The following TDRD7 variants were observed in gnomAD, a reference collection of about 807,000 sequenced individuals.
The protein encoded by TDRD7 is tudor domain-containing protein 7.
TDRD7 carries 47 observed loss-of-function variants against 109.8 expected under a neutral mutation model. The ratio of observed to expected loss-of-function variants is 0.43; its 90% CI spans 0.34 to 0.55. The LOEUF is 0.55. Ranked by LOEUF, TDRD7 falls within the 20% of genes least tolerant of loss-of-function variation. The pLI is 0.03. For synonymous variants in TDRD7, 424 were observed against 457.3 expected, an observed-to-expected ratio of 0.93 and a Z score of 0.93; for missense variants, 1,164 against 1,319.2, an observed-to-expected ratio of 0.88 and a Z score of 1.82.
chr9:97,462,183 G>A (rs530244955), intron 7 of TDRD7, among the ~76,000 whole-genome samples: 158 of 152,236 alleles, frequency 1.0e-3, no homozygotes, highest in African/African-American at 3.5e-3. Context: ...AACTTACACG[G>A]CAGGATCCTT....
intron 2 of TDRD7, among the ~76,000 whole-genome samples, chr9:97,429,506 T>TG (rs972561135): frequency 1.3e-5 from 2 of 152,122 alleles, no homozygotes; most frequent in Non-Finnish European, 1.5e-5. Flanking sequence ...TTTTTCTATA[T>TG]GGGGGGATGA....
intron 16 of TDRD7, among the ~76,000 whole-genome samples, chr9:97,489,780 A>T (rs967552191): frequency 6.6e-6 from 1 of 152,120 alleles, no homozygotes; most frequent in African/African-American, 2.4e-5. Flanking sequence ...ATTTTAAGTA[A>T]TGCCACTTTC....
chr9:97,473,565 G>A lies in TDRD7; in HGVS notation c.2018G>A (p.Cys673Tyr), dbSNP rs750870803. ...GGGACACTCTACTGCCAGGTGCCTT[G>A]TAAGGGTCTGAACAAGCTCAGTGAC... Reference protein sequence around the residue: ...SDGTLYCQVPCKGLNKLSDLL... With the variant: ...SDGTLYCQVPYKGLNKLSDLL... The change falls in exon 11 of 17, where the codon TGT becomes TAT. Residue 673 changes from cysteine to tyrosine, a missense_variant. Physicochemically the swap from Cys to Tyr is radical, Grantham distance 194. Coordinates refer to ENST00000355295, the MANE Select transcript of TDRD7 (RefSeq NM_014290.3). 1.2e-6 allele frequency: 2 copies of A among 1,613,858 alleles called. No homozygotes were observed. Among genetic ancestry groups the A allele is most frequent in the East Asian group, 2.2e-5 (1 of 44,868 alleles).
chr9:97,451,461 T>A (rs986456868), intron 6 of TDRD7, among the ~76,000 whole-genome samples: 5 of 152,134 alleles, frequency 3.3e-5, no homozygotes, highest in African/African-American at 4.8e-5. Context: ...AGCTAATTTT[T>A]AAAATTTTTT....
At chr9:97,488,656 C>T (rs1422407221) in intron 16 of TDRD7, among the ~76,000 whole-genome samples, 1 of 150,146 alleles carries the variant, frequency 6.7e-6, no homozygotes, top group African/African-American at 2.4e-5. Flanking sequence ...CCAGAGAAGG[C>T]TTCTCTGTGA....
At chr9:97,474,389 G>A (rs1353526561) in intron 11 of TDRD7, among the ~76,000 whole-genome samples, 1 of 152,040 alleles carries the variant, frequency 6.6e-6, no homozygotes, top group Non-Finnish European at 1.5e-5. Context: ...GGCACCTCAG[G>A]GCATTCATAT....
At chr9:97,474,727 G>A (rs147984301) in intron 11 of TDRD7, among the ~76,000 whole-genome samples, 165 of 152,246 alleles carry the variant, frequency 1.1e-3, no homozygotes, top group African/African-American at 3.9e-3. Context: ...AACCTTTGGT[G>A]GTGAAAAGGA....
intron 6 of TDRD7, among the ~76,000 whole-genome samples, chr9:97,451,441 T>C (rs1828490594): frequency 6.6e-6 from 1 of 152,114 alleles, no homozygotes; most frequent in Admixed American, 6.6e-5. Context: ...AGATGCACAC[T>C]ATCACATCCA....
At chr9:97,465,189 C>T (rs1344746722) in intron 8 of TDRD7, among the ~76,000 whole-genome samples, 161 bp downstream of exon 8, 1 of 152,114 alleles carries the variant, frequency 6.6e-6, no homozygotes, top group Non-Finnish European at 1.5e-5. Context: ...AAGGTTATCC[C>T]TGTCAGCCTT....
At chr9:97,472,165 A>G in intron 9 of TDRD7, 128 bp from the exon 10 acceptor site, 1 of 818,802 alleles carries the variant, frequency 1.2e-6, no homozygotes, top group Non-Finnish European at 2.0e-6. Flanking sequence ...CAAAGCTTTC[A>G]TATAAAATTT....
In TDRD7 at chr9:97,472,579, A is replaced by G. The variant is rs538206000; in HGVS notation, c.1944+84A>G. ...AGAATATTATACATTTTAGGCTAAC[A>G]ATTGATAGAGACAGATTACATTTAC... On this transcript the variant is annotated intron_variant, in intron 10 of 16. Coordinates refer to ENST00000355295, the MANE Select transcript of TDRD7 (RefSeq NM_014290.3). 2.1e-5 allele frequency: 24 copies of G among 1,153,388 alleles called. No homozygotes were observed. The East Asian group carries it at 4.5e-4, about 22-fold the overall frequency. The allele number at this position is 1,153,388 out of a possible 1,614,324, so 71.4% of individuals were successfully genotyped here. A position where few individuals can be genotyped will look rare whatever the true frequency, so the allele number is the denominator to read the frequency against.
chr9:97,436,158 A>G (rs564864292), intron 4 of TDRD7, among the ~76,000 whole-genome samples: 98 of 152,290 alleles, frequency 6.4e-4, no homozygotes, highest in African/African-American at 1.8e-3. Flanking sequence ...GGAAGAGGGT[A>G]TATGTACTAA....
chr9:97,438,905 T>A (rs1247032739), intron 4 of TDRD7, among the ~76,000 whole-genome samples: 3 of 152,202 alleles, frequency 2.0e-5, no homozygotes, highest in Non-Finnish European at 4.4e-5. Context: ...TATTCCAAAA[T>A]GTTCTTTGTT....
At chr9:97,435,974 A>G (rs1828188462) in intron 4 of TDRD7, among the ~76,000 whole-genome samples, 4 of 152,168 alleles carry the variant, frequency 2.6e-5, no homozygotes, top group South Asian at 2.1e-4. Context: ...ACACATGTAC[A>G]TTTACATATG....
chr9:97,437,864 T>C (rs7024030), intron 4 of TDRD7, among the ~76,000 whole-genome samples: 3 of 152,316 alleles, frequency 2.0e-5, no homozygotes, highest in Non-Finnish European at 2.9e-5. Flanking sequence ...GTTATAAAAC[T>C]GCTTAGACCT....
chr9:97,432,304 C>T, intron 4 of TDRD7, 66 bp downstream of exon 4: 2 of 1,397,518 alleles, frequency 1.4e-6, no homozygotes, highest in Non-Finnish European at 2.0e-6. Flanking sequence ...AATGTATGTT[C>T]AGGTTAAGAA....
chr9:97,483,501 A>G, intron 15 of TDRD7, 150 bp downstream of exon 15: 2 of 932,092 alleles, frequency 2.1e-6, no homozygotes, highest in East Asian at 2.7e-5. Context: ...ATTTTCTAGT[A>G]TTTAAAATGA....
At chr9:97,479,049 A>G (rs1430170590) in intron 13 of TDRD7, among the ~76,000 whole-genome samples, 2 of 152,222 alleles carry the variant, frequency 1.3e-5, no homozygotes, top group African/African-American at 4.8e-5. Context: ...TGTTCAGATG[A>G]TAAGGATTTT....
intron 6 of TDRD7, among the ~76,000 whole-genome samples, chr9:97,456,718 C>T (rs1176309268): frequency 6.6e-6 from 1 of 152,170 alleles, no homozygotes; most frequent in Non-Finnish European, 1.5e-5. Flanking sequence ...ACCATAAAAA[C>T]CCTAGAAGAA....
Sources: gnomAD v4.1 joint callset for allele counts (sites outside exome capture counted in the v4.1 genomes callset) on GRCh38, gnomAD v4.1.1 for gene constraint, MANE v1.5 for transcripts, NCBI Gene and HGNC (gene_info 2026-07-23, HGNC 2026-07-21) for gene names.